Variants in TENM4 observed in about 807,000 individuals in gnomAD.
TENM4 encodes the protein teneurin-4.
Under a neutral mutation model 243.3 loss-of-function variants are expected in TENM4, and 82 were observed. The ratio of observed to expected loss-of-function variants is 0.34; its 90% CI spans 0.28 to 0.40. The LOEUF (loss-of-function observed/expected upper bound fraction) is 0.40. Ranked by LOEUF, TENM4 falls within the 10% of genes least tolerant of loss-of-function variation. The pLI is 1.00. For missense variants in TENM4, 3,138 were observed against 3,673.3 expected (o/e 0.85, Z 3.77); for synonymous variants, 1,412 against 1,456.3 (o/e 0.97, Z 0.69).
rs1857875462 is a variant in TENM4, at chr11:78,655,789, T to G, written c.*2269A>C. Reference sequence around the variant, plus strand: ...AGGGCCCTTGGTATGAAGAGTACATTTTGAGAGGCGTAAGTCCCTTCTGGA... The same window carrying G: ...AGGGCCCTTGGTATGAAGAGTACATGTTGAGAGGCGTAAGTCCCTTCTGGA... On this transcript the variant is annotated 3_prime_UTR_variant, in exon 34 of 34. Coordinates refer to ENST00000278550, the MANE Select transcript of TENM4 (RefSeq NM_001098816.3). 6.6e-6 allele frequency: 1 copy of G among 152,130 alleles called. No homozygotes were observed. Among genetic ancestry groups the G allele is most frequent in the South Asian group, 2.1e-4 (1 of 4,814 alleles). The allele number at this position is 152,130 out of a possible 1,614,324, so 9.4% of individuals were successfully genotyped here.
intron 1 of TENM4, among the ~76,000 whole-genome samples, chr11:79,341,366 A>G (rs1239671688): frequency 6.6e-6 from 1 of 152,182 alleles, no homozygotes; most frequent in Non-Finnish European, 1.5e-5. Context: ...GCACTTATCC[A>G]GTGCCCTCCA....
chr11:79,006,372 T>G (rs1591201356), intron 6 of TENM4, among the ~76,000 whole-genome samples: 1 of 152,154 alleles, frequency 6.6e-6, no homozygotes, highest in East Asian at 1.9e-4. Context: ...CCCAAACACA[T>G]AATAGGATAG....
intron 33 of TENM4, among the ~76,000 whole-genome samples, chr11:78,661,147 C>T (rs1440518031): frequency 6.6e-6 from 1 of 152,224 alleles, no homozygotes. Flanking sequence ...AACCCACCTT[C>T]TCTCCCTGTG....
At chr11:79,105,583 G>A (rs1861345970) in intron 4 of TENM4, among the ~76,000 whole-genome samples, 1 of 152,176 alleles carries the variant, frequency 6.6e-6, no homozygotes, top group South Asian at 2.1e-4. Context: ...AGAAAACAAG[G>A]GCTCACTTTG....
intron 9 of TENM4, among the ~76,000 whole-genome samples, chr11:78,865,661 G>A (rs763547357): frequency 5.3e-5 from 8 of 152,124 alleles, no homozygotes; most frequent in Non-Finnish European, 1.0e-4. Context: ...CAGCATACCC[G>A]TTTGACTTCT....
intron 1 of TENM4, among the ~76,000 whole-genome samples, chr11:79,365,618 C>T (rs972858856): frequency 1.8e-4 from 28 of 152,192 alleles, no homozygotes; most frequent in African/African-American, 6.5e-4. Flanking sequence ...ATGACAGCCA[C>T]AGCTACTGCC....
intron 26 of TENM4, 134 bp downstream of exon 26, chr11:78,712,348 C>T (rs1859417175): frequency 2.8e-6 from 2 of 720,866 alleles, no homozygotes. Context: ...GTGGAATTAT[C>T]ACAGTTTTTA....
At chr11:79,189,371 C>G (rs1863436130) in intron 3 of TENM4, among the ~76,000 whole-genome samples, 1 of 152,202 alleles carries the variant, frequency 6.6e-6, no homozygotes, top group Admixed American at 6.5e-5. Context: ...CTCCATCACA[C>G]AAGCATTTAT....
intron 6 of TENM4, among the ~76,000 whole-genome samples, chr11:79,031,285 A>G (rs1382104706): frequency 6.6e-6 from 1 of 152,174 alleles, no homozygotes; most frequent in African/African-American, 2.4e-5. Flanking sequence ...CAGGGGAGAT[A>G]CCCAATTTTC....
intron 6 of TENM4, among the ~76,000 whole-genome samples, chr11:79,057,384 C>T (rs1172621380): frequency 2.0e-5 from 3 of 152,116 alleles, no homozygotes; most frequent in African/African-American, 7.2e-5. Context: ...ACCTGCCCTT[C>T]CCTCTCCCAA....
At chr11:78,808,700 A>G (rs1433101218) in intron 14 of TENM4, among the ~76,000 whole-genome samples, 1 of 152,214 alleles carries the variant, frequency 6.6e-6, no homozygotes, top group Non-Finnish European at 1.5e-5. Context: ...CAAGAAAAGA[A>G]ATAGAGCAAT....
intron 3 of TENM4, among the ~76,000 whole-genome samples, chr11:79,198,479 C>G (rs1016586038): frequency 4.6e-5 from 7 of 152,212 alleles, no homozygotes; most frequent in Non-Finnish European, 1.0e-4. Flanking sequence ...CCTCCTTCCC[C>G]CTCCTTCCAC....
intron 4 of TENM4, among the ~76,000 whole-genome samples, chr11:79,127,992 A>T (rs1037315315): frequency 6.6e-6 from 1 of 152,204 alleles, no homozygotes; most frequent in African/African-American, 2.4e-5. Context: ...GTGTTACTCC[A>T]GCCCATTTAT....
intron 6 of TENM4, among the ~76,000 whole-genome samples, chr11:78,963,073 T>G (rs770348519): frequency 4.6e-5 from 7 of 152,242 alleles, no homozygotes; most frequent in Non-Finnish European, 7.3e-5. Flanking sequence ...ATAGTAGGCA[T>G]TGTAGAAGTA....
intron 3 of TENM4, among the ~76,000 whole-genome samples, chr11:79,186,418 G>C (rs192360389): frequency 1.3e-3 from 194 of 152,294 alleles, no homozygotes; most frequent in African/African-American, 4.4e-3. Context: ...GAGCCTTTAC[G>C]TGCTTTATCT....
At chr11:79,215,714 A>C (rs1864039752) in intron 3 of TENM4, 94 bp downstream of exon 3, 1 of 975,446 alleles carries the variant, frequency 1.0e-6, no homozygotes, top group Non-Finnish European at 1.2e-6. Flanking sequence ...CAACCAAAAA[A>C]CATGCAAATG....
intron 1 of TENM4, among the ~76,000 whole-genome samples, chr11:79,373,482 A>T (rs889368301): frequency 5.9e-5 from 9 of 152,098 alleles, no homozygotes; most frequent in African/African-American, 2.2e-4. Context: ...GGCTGGTTGG[A>T]TAAATGGGTG....
intron 1 of TENM4, chr11:79,402,036 A>G: frequency 2.3e-6 from 1 of 428,018 alleles, no homozygotes; most frequent in Non-Finnish European, 5.2e-6. Context: ...TGCCCTCTAG[A>G]AGCTCACAGT....
At chr11:78,982,561 C>G (rs1284565358) in intron 6 of TENM4, among the ~76,000 whole-genome samples, 1 of 152,132 alleles carries the variant, frequency 6.6e-6, no homozygotes, top group African/African-American at 2.4e-5. Context: ...CCCTCTGGCT[C>G]TCCTCACACC....
Sources: gnomAD v4.1 joint callset for allele counts (sites outside exome capture counted in the v4.1 genomes callset) on GRCh38, gnomAD v4.1.1 for gene constraint, MANE v1.5 for transcripts, NCBI Gene and HGNC (gene_info 2026-07-23, HGNC 2026-07-21) for gene names.